SLC12A7: variants seen among roughly 807,000 people sequenced by gnomAD.
SLC12A7 encodes K-Cl cotransporter 4.
Under a neutral mutation model 120.6 loss-of-function variants are expected in SLC12A7, and 100 were observed. The observed-to-expected ratio is 0.83, with a 90% CI of 0.71 to 0.98. The LOEUF is 0.98. SLC12A7 is among the 50% of genes least tolerant of loss of function. The probability of loss-of-function intolerance (pLI) is 0.00; values close to 1 mark genes in which losing one functional copy is unlikely to be tolerated. For synonymous variants in SLC12A7, 760 were observed against 678.0 expected (o/e 1.12, Z -1.88); for missense variants, 1,373 against 1,548.1 (o/e 0.89, Z 1.90).
chr5:1,139,077 G>C, the SLC12A7 span, among the ~76,000 whole-genome samples: 1 of 148,478 alleles, frequency 6.7e-6, no homozygotes, highest in East Asian at 2.0e-4. Flanking sequence ...TGGGGGGGGG[G>C]CTCTGGGCGG....
At chr5:1,068,256 G>A (rs1235225802) in intron 17 of SLC12A7, among the ~76,000 whole-genome samples, 2 of 152,070 alleles carry the variant, frequency 1.3e-5, no homozygotes, top group African/African-American at 4.8e-5. Flanking sequence ...CCAATGTGGC[G>A]AAACCCCGTC....
chr5:1,058,206 G>A (rs916991554), intron 21 of SLC12A7, among the ~76,000 whole-genome samples: 49 of 152,358 alleles, frequency 3.2e-4, no homozygotes, highest in African/African-American at 1.0e-3. Flanking sequence ...CTGACAATCC[G>A]AGGAAAATGA....
At chr5:1,091,028 T>C (rs1023084963) in intron 3 of SLC12A7, among the ~76,000 whole-genome samples, 2 of 152,130 alleles carry the variant, frequency 1.3e-5, no homozygotes, top group Non-Finnish European at 2.9e-5. Context: ...AAGGAGTCAC[T>C]GCCAACTGAA....
chr5:1,073,538 C>T (rs989140837), intron 17 of SLC12A7, 95 bp downstream of exon 17: 15 of 1,361,184 alleles, frequency 1.1e-5, no homozygotes, highest in Middle Eastern at 2.5e-4. Context: ...CGCACAGCAC[C>T]GTGTTGACAC....
chr5:1,065,920 C>T lies in SLC12A7; in HGVS notation c.2242-442G>A, dbSNP rs973424302. Among the ~76,000 whole-genome samples, 4 of 139,834 alleles carry T rather than the reference C, an allele frequency of 2.9e-5. No homozygotes were observed. In the South Asian group the frequency reaches 7.8e-4, roughly 27 times the overall value. The allele number at this position is 139,834 out of a possible 152,430, so 91.7% of individuals were successfully genotyped here. On this transcript the variant is annotated intron_variant, in intron 17 of 23. Coordinates refer to ENST00000264930, the MANE Select transcript of SLC12A7 (RefSeq NM_006598.3). ...CCAGGATGCAGCACCCTAACAGCAA[C>T]GGCGGGGGGCGGGGGTGGGGGACTG... is the stretch of plus-strand genomic sequence containing the variant.
Position 1,060,404 on chromosome 5 carries a change from C to T in SLC12A7, c.2787G>A (p.Met929Ile). Reference protein sequence around the residue: ...SAFTYERTLMMEQRSQMLKQM... With the variant: ...SAFTYERTLMIEQRSQMLKQM... ...GCTTCAGCATCTGCGACCTCTGCTC[C>T]ATCATTAGTGTCCTCTCGTAGGTGA... Residue 929 changes from methionine to isoleucine, a missense_variant, in exon 21 of 24, where the codon ATG becomes ATA. Transcript: ENST00000264930. 1 of 1,613,810 alleles carries T rather than the reference C, an allele frequency of 6.2e-7. No homozygotes were observed. The highest frequency in any genetic ancestry group is 8.5e-7 in the Non-Finnish European group (1 of 1,179,970).
chr5:1,053,872 C>T (rs549423723), intron 22 of SLC12A7, among the ~76,000 whole-genome samples: 5 of 152,376 alleles, frequency 3.3e-5, no homozygotes, highest in South Asian at 2.1e-4. Context: ...AAGGCTGACA[C>T]GCTTCTCTTG....
intron 18 of SLC12A7, among the ~76,000 whole-genome samples, chr5:1,064,949 A>AGGGGACACTG: frequency 7.5e-6 from 1 of 133,916 alleles, no homozygotes; most frequent in Admixed American, 7.5e-5. Context: ...GGGGACGGCG[A>AGGGGACACTG]AGAGATGGTG....
intron 3 of SLC12A7, 38 bp downstream of exon 3, chr5:1,093,480 CTGCCGGGACACACGG>C: frequency 1.3e-6 from 2 of 1,549,166 alleles, no homozygotes; most frequent in Non-Finnish European, 1.7e-6. Flanking sequence ...TGATCTAACC[CTGCCGGGACACACGG>C]GGCGGGGACT....
intron 8 of SLC12A7, among the ~76,000 whole-genome samples, chr5:1,083,011 G>A (rs1277140135): frequency 6.7e-6 from 1 of 148,744 alleles, no homozygotes; most frequent in Non-Finnish European, 1.5e-5. Context: ...TCCCATCTCA[G>A]GTTCTGGAAA....
rs1271884811 is a variant in SLC12A7, at chr5:1,089,111, G to C, written c.360C>G (p.Thr120=). The part of the protein sequence containing the change: ...RREAKAPRMG[T]FIGVYLPCLQ... ...GGCACGGCAGGTAGACGCCGATGAA[G>C]GTGCCCATGCGCGGAGCCTGCGACA... is the stretch of plus-strand genomic sequence containing the variant. The change falls in exon 4 of 24, where the codon ACC becomes ACG. Residue 120 remains threonine, a synonymous_variant. Transcript: ENST00000264930. The C allele has an allele frequency of 7.4e-6, 12 of 1,612,746 alleles. No homozygotes were observed. Among genetic ancestry groups the C allele is most frequent in the Non-Finnish European group, 7.6e-6 (9 of 1,179,968 alleles).
At chr5:1,052,472 G>A in intron 23 of SLC12A7, 21 bp from the exon 24 acceptor site, 1 of 1,583,370 alleles carries the variant, frequency 6.3e-7, no homozygotes, top group Non-Finnish European at 8.7e-7. Flanking sequence ...CAGAGTTAAG[G>A]CCACAGCTGA....
At chr5:1,058,554 A>T (rs926411164) in intron 21 of SLC12A7, among the ~76,000 whole-genome samples, 5 of 152,222 alleles carry the variant, frequency 3.3e-5, no homozygotes, top group African/African-American at 1.2e-4. Context: ...GGGTGATTTT[A>T]AAAAGCCAAA....
intron 22 of SLC12A7, chr5:1,056,490 AACACGCGCACAGACACACGCAGGCC>A (rs1460197757): frequency 3.2e-6 from 2 of 623,756 alleles, no homozygotes; most frequent in African/African-American, 4.0e-5. Flanking sequence ...ACAGGCCTAG[AACACGCGCACAGACACACGCAGGCC>A]ACACACACAC....
chr5:1,051,472 G>A lies in SLC12A7; in HGVS notation c.*888C>T, dbSNP rs1561018760. 6.5e-6 allele frequency: 1 copy of A among 152,720 alleles called. No homozygotes were observed. The highest frequency in any genetic ancestry group is 2.4e-5 in the African/African-American group (1 of 41,486). 9.5% of individuals were successfully genotyped at this position (152,720 alleles called of 1,614,324 possible). On this transcript the variant is annotated 3_prime_UTR_variant, in exon 24 of 24. Coordinates refer to ENST00000264930, the MANE Select transcript of SLC12A7 (RefSeq NM_006598.3). Reference sequence around the variant, plus strand: ...TTCACTCTGCGCGCGTGTGCCCCTGGGTTTCAGTGCATTTGCCTGCGTGAG... The same window carrying A: ...TTCACTCTGCGCGCGTGTGCCCCTGAGTTTCAGTGCATTTGCCTGCGTGAG...
chr5:1,137,124 C>G, the SLC12A7 span, among the ~76,000 whole-genome samples: 2 of 152,220 alleles, frequency 1.3e-5, no homozygotes, highest in Non-Finnish European at 2.9e-5. Context: ...AGAGCCACAC[C>G]CAGCCACAGT....
chr5:1,134,416 G>A, the SLC12A7 span, among the ~76,000 whole-genome samples: 6 of 152,128 alleles, frequency 3.9e-5, no homozygotes, highest in East Asian at 1.2e-3. Context: ...GTTATAGTGA[G>A]CTGAGATCAT....
At chr5:1,149,229 G>A in the SLC12A7 span, among the ~76,000 whole-genome samples, 3 of 149,882 alleles carry the variant, frequency 2.0e-5, no homozygotes, top group African/African-American at 7.5e-5. Context: ...CACAAGCAGC[G>A]CACAAGGGTC....
the SLC12A7 span, among the ~76,000 whole-genome samples, chr5:1,133,749 C>G: frequency 6.6e-6 from 1 of 152,178 alleles, no homozygotes; most frequent in African/African-American, 2.4e-5. Flanking sequence ...TGCTGAATCT[C>G]AGAGGCTGAG....
Sources: gnomAD v4.1 joint callset for allele counts (sites outside exome capture counted in the v4.1 genomes callset) on GRCh38, gnomAD v4.1.1 for gene constraint, MANE v1.5 for transcripts, NCBI Gene and HGNC (gene_info 2026-07-23, HGNC 2026-07-21) for gene names.